Variants in GRIK4 observed in about 807,000 individuals in gnomAD.
GRIK4 encodes glutamate ionotropic receptor kainate type subunit 4, also known as glutamate receptor ionotropic, kainate 4.
GRIK4 carries 40 observed loss-of-function variants against 104.9 expected under a neutral mutation model. That is an observed-to-expected ratio of 0.38 (90% CI 0.30 to 0.50). The LOEUF (loss-of-function observed/expected upper bound fraction) is 0.50. Ranked by LOEUF, GRIK4 falls within the 20% of genes least tolerant of loss-of-function variation. The pLI is 0.93. For synonymous variants in GRIK4, 485 were observed against 524.9 expected (o/e 0.92, Z 1.04); for missense variants, 1,047 against 1,308.1 (o/e 0.80, Z 3.08).
At chr11:120,613,180 AGCCCAGCTGCT>A (rs1949059632) in intron 1 of GRIK4, among the ~76,000 whole-genome samples, 4 of 152,334 alleles carry the variant, frequency 2.6e-5, no homozygotes, top group Admixed American at 1.3e-4. Flanking sequence ...TTCACAGCTG[AGCCCAGCTGCT>A]GCTTAGCTGA....
chr11:120,521,937 T>C (rs1306835757), intron 1 of GRIK4, among the ~76,000 whole-genome samples: 1 of 152,238 alleles, frequency 6.6e-6, no homozygotes, highest in African/African-American at 2.4e-5. Flanking sequence ...GCTGACATCA[T>C]TGAGCACTTA....
At chr11:120,567,365 C>T (rs113563470) in intron 1 of GRIK4, among the ~76,000 whole-genome samples, 2 of 151,964 alleles carry the variant, frequency 1.3e-5, no homozygotes, top group Admixed American at 6.5e-5. Flanking sequence ...CTCTGTATTG[C>T]CCAGGTTGGT....
At chr11:120,662,391 G>A (rs536230795) in intron 3 of GRIK4, among the ~76,000 whole-genome samples, 3 of 152,294 alleles carry the variant, frequency 2.0e-5, no homozygotes, top group Admixed American at 6.5e-5. Context: ...CAACAGAAAG[G>A]GAAGAAAAGA....
chr11:120,616,028 C>A (rs906206160), intron 1 of GRIK4, among the ~76,000 whole-genome samples: 1 of 152,152 alleles, frequency 6.6e-6, no homozygotes, highest in Non-Finnish European at 1.5e-5. Flanking sequence ...ACCCAGCTGT[C>A]TGCTGGCTGA....
At chr11:120,975,666 A>T (rs1565472592) in intron 19 of GRIK4, among the ~76,000 whole-genome samples, 1 of 151,960 alleles carries the variant, frequency 6.6e-6, no homozygotes, top group African/African-American at 2.4e-5. Flanking sequence ...TCACACGTAG[A>T]CCCCCTCACC....
chr11:120,724,487 C>T (rs1950992881), intron 3 of GRIK4, among the ~76,000 whole-genome samples: 2 of 152,084 alleles, frequency 1.3e-5, no homozygotes, highest in Non-Finnish European at 2.9e-5. Context: ...GTTAGGTGAA[C>T]TTTGTGTTTT....
At chr11:120,807,231 G>A (rs749092284) in intron 4 of GRIK4, among the ~76,000 whole-genome samples, 42 of 152,134 alleles carry the variant, frequency 2.8e-4, no homozygotes, top group Non-Finnish European at 5.4e-4. Context: ...TACCTCCTCT[G>A]TTCCTATAGA....
chr11:120,734,379 TA>T (rs1265463571), intron 3 of GRIK4, among the ~76,000 whole-genome samples: 19 of 152,214 alleles, frequency 1.2e-4, no homozygotes, highest in African/African-American at 3.1e-4. Context: ...CCCTAACCTG[TA>T]AGGTTTCCAC....
At chr11:120,864,291 A>T (rs1954341052) in intron 9 of GRIK4, among the ~76,000 whole-genome samples, 2 of 151,286 alleles carry the variant, frequency 1.3e-5, no homozygotes. Flanking sequence ...CCCAGGCTGG[A>T]GTGCAGTGGC....
At chr11:120,802,911 C>T in intron 4 of GRIK4, 54 bp downstream of exon 4, 1 of 1,489,348 alleles carries the variant, frequency 6.7e-7, no homozygotes, top group Non-Finnish European at 9.3e-7. Flanking sequence ...GATGGATGAG[C>T]AGTGGTGTGA....
intron 8 of GRIK4, among the ~76,000 whole-genome samples, chr11:120,861,360 G>A (rs1465166994): frequency 2.6e-5 from 4 of 151,866 alleles, no homozygotes; most frequent in South Asian, 2.1e-4. Flanking sequence ...CATCCTTCTC[G>A]GCCTCCCAAA....
intron 13 of GRIK4, among the ~76,000 whole-genome samples, chr11:120,927,773 G>A (rs12805801): frequency 0.16 from 24,620 of 152,040 alleles, 2,552 homozygotes; most frequent in East Asian, 0.32. Flanking sequence ...CTCTTGTTAT[G>A]TAAAGAGGCA....
At chr11:120,571,010 C>T (rs990580017) in intron 1 of GRIK4, among the ~76,000 whole-genome samples, 10 of 152,050 alleles carry the variant, frequency 6.6e-5, no homozygotes, top group African/African-American at 2.2e-4. Context: ...AATGATTTTC[C>T]ACAAGGTCAC....
chr11:120,892,738 A>G (rs1324494234), intron 11 of GRIK4, among the ~76,000 whole-genome samples: 1 of 152,154 alleles, frequency 6.6e-6, no homozygotes, highest in African/African-American at 2.4e-5. Flanking sequence ...CCTGACACTC[A>G]TTCAGTTGTA....
intron 1 of GRIK4, among the ~76,000 whole-genome samples, chr11:120,521,799 T>G (rs61900866): frequency 0.1 from 15,574 of 152,256 alleles, 970 homozygotes; most frequent in African/African-American, 0.18. Context: ...ATTCTTGAAG[T>G]AACTCGAGAT....
Position 120,985,801 on chromosome 11 carries a change from A to C in GRIK4, c.2515-103A>C. ...TCATCTTCATACTTAAGATGACACG[A>C]TTCTGTGACCGCTGCCCCCTTCATC... On this transcript the variant is annotated intron_variant, in intron 20 of 20. Coordinates refer to ENST00000527524, the MANE Select transcript of GRIK4 (RefSeq NM_014619.5). The C allele has an allele frequency of 4.0e-6, 4 of 1,010,202 alleles. No homozygotes were observed. In the South Asian group the frequency reaches 4.5e-5, roughly 11 times the overall value. 62.6% of individuals were successfully genotyped at this position (1,010,202 alleles called of 1,614,324 possible).
intron 3 of GRIK4, among the ~76,000 whole-genome samples, chr11:120,694,897 T>G (rs570193085): frequency 6.6e-6 from 1 of 152,184 alleles, no homozygotes; most frequent in East Asian, 1.9e-4. Context: ...CCCGTAACAC[T>G]TCCCATTGGC....
rs1469246269 is a variant in GRIK4, at chr11:120,902,294, C to A, written c.1273-2996C>A. Among the ~76,000 whole-genome samples, 2 of 152,148 alleles carry A rather than the reference C, an allele frequency of 1.3e-5. No homozygotes were observed. Among genetic ancestry groups the A allele is most frequent in the East Asian group, 1.9e-4 (1 of 5,184 alleles). On this transcript the variant is annotated intron_variant, in intron 12 of 20. Coordinates refer to ENST00000527524, the MANE Select transcript of GRIK4 (RefSeq NM_014619.5). This position sits in a 1 kb window ranked among gnomAD's most constrained non-coding sequence, Gnocchi z 4.5. ...ACATTCTCACCTCGCGTTCACAGCA[C>A]CCCTGCTCCAGGCTAGCACTCAACA... is the stretch of plus-strand genomic sequence containing the variant.
intron 13 of GRIK4, among the ~76,000 whole-genome samples, chr11:120,918,417 T>G (rs1034597015): frequency 6.6e-6 from 1 of 152,198 alleles, no homozygotes; most frequent in Admixed American, 6.5e-5. Context: ...AGCTTTTACT[T>G]TCATAGAGTT....
Sources: allele counts gnomAD v4.1 joint callset (sites outside exome capture counted in the v4.1 genomes callset), GRCh38; gene constraint gnomAD v4.1.1; non-coding constraint Gnocchi (gnomAD v3.1); transcripts MANE v1.5; gene names NCBI Gene and HGNC (gene_info 2026-07-23, HGNC 2026-07-21).